The following TRIM34 variants were observed in gnomAD, a reference collection of about 807,000 sequenced individuals.
The protein encoded by TRIM34 is tripartite motif containing 34.
In TRIM34, 41 loss-of-function variants were observed where a neutral mutation model predicts 38.1. That is an observed-to-expected ratio of 1.08 (90% confidence interval 0.84 to 1.40). TRIM34 has a LOEUF of 1.40. TRIM34 is among the 40% of genes most tolerant of loss of function. TRIM34 has a pLI of 0.00. For missense variants in TRIM34, 556 were observed against 571.4 expected, an observed-to-expected ratio of 0.97 and a Z score of 0.27; for synonymous variants, 200 against 202.5, an observed-to-expected ratio of 0.99 and a Z score of 0.10.
chr11:5,643,732 A>G lies in TRIM34; in HGVS notation c.*23A>G, dbSNP rs560554042. On this transcript the variant is annotated 3_prime_UTR_variant, in exon 8 of 8. Coordinates refer to ENST00000429814, the MANE Select transcript of TRIM34 (RefSeq NM_021616.6). ...TGAATTTTCTCATTTCTTCACCTAC[A>G]ACCCTTTGTCTTGACTTATCTCCTG... is the stretch of plus-strand genomic sequence containing the variant. The G allele has an allele frequency of 1.3e-6, 2 of 1,554,576 alleles. No individual in the cohort carries two copies. The highest frequency in any genetic ancestry group is 1.3e-5 in the South Asian group (1 of 78,674).
intron 1 of TRIM34, chr11:5,626,951 A>C (rs1849270371): frequency 6.6e-6 from 1 of 152,186 alleles, no homozygotes. Context: ...ATGTGGACCT[A>C]ACTGGACCAT....
chr11:5,633,146 CTTTTTTTT>C (rs142147714), intron 2 of TRIM34, among the ~76,000 whole-genome samples: 1 of 106,820 alleles, frequency 9.4e-6, no homozygotes, highest in Non-Finnish European at 1.9e-5. Flanking sequence ...CCTTTTCTTT[CTTTTTTTT>C]TTTTTTTTTT....
intron 1 of TRIM34, among the ~76,000 whole-genome samples, chr11:5,629,040 G>C (rs1849365268): frequency 1.3e-5 from 2 of 152,130 alleles, no homozygotes; most frequent in African/African-American, 4.8e-5. Flanking sequence ...ACTTTGGGAG[G>C]CCGAGACAGG....
chr11:5,620,199 A>G (rs1252013371), upstream of TRIM34, among the ~76,000 whole-genome samples: 10 of 61,250 alleles, frequency 1.6e-4, no homozygotes, highest in African/African-American at 6.1e-4. Context: ...TTTTGTTGAG[A>G]CTGAGTCTCA....
chr11:5,630,786 A>G (rs1006665146), intron 1 of TRIM34, among the ~76,000 whole-genome samples: 3 of 152,188 alleles, frequency 2.0e-5, no homozygotes, highest in Non-Finnish European at 4.4e-5. Flanking sequence ...CATTTTATGA[A>G]TGATTATATA....
intron 1 of TRIM34, among the ~76,000 whole-genome samples, chr11:5,628,350 A>T (rs1849330639): frequency 6.6e-6 from 1 of 152,246 alleles, no homozygotes; most frequent in Admixed American, 6.5e-5. Flanking sequence ...AGCCATAAAC[A>T]GGGGTGAATA....
In TRIM34 at chr11:5,643,980, C is replaced by A; in HGVS notation, c.*271C>A. The A allele has an allele frequency of 2.0e-6, 1 of 510,440 alleles. No homozygotes were observed. The highest frequency in any genetic ancestry group is 3.3e-6 in the Non-Finnish European group (1 of 300,552). The allele number at this position is 510,440 out of a possible 1,614,324, so 31.6% of individuals were successfully genotyped here. A position where few individuals can be genotyped will look rare whatever the true frequency, so the allele number is the denominator to read the frequency against. The stretch of plus-strand genomic sequence containing the variant: ...CTTGCCTTCCCATTTATCCATGTTT[C>A]ACTTTATCACTGATATGAAGAGGCC... On this transcript the variant is annotated 3_prime_UTR_variant, in exon 8 of 8. Coordinates refer to ENST00000429814, the MANE Select transcript of TRIM34 (RefSeq NM_021616.6).
At chr11:5,634,530 C>CACACACATATAT (rs1491498839) in intron 3 of TRIM34, 101 bp from the exon 4 acceptor site, 12 of 262,002 alleles carry the variant, frequency 4.6e-5, no homozygotes, top group African/African-American at 3.6e-4. Flanking sequence ...CACACACACA[C>CACACACATATAT]ATATATATAT....
At position 5,643,558 on chromosome 11, in the gene TRIM34, A is replaced by G. The variant is rs766401090; in HGVS notation, c.1316A>G (p.Tyr439Cys). 6.2e-7 allele frequency: 1 copy of G among 1,614,194 alleles called. No individual in the cohort carries two copies. Reference sequence around the variant, plus strand: ...TGCCGTGTTGGGGTTTTCCTCGACTATGAAGCAGGCATTGTCTCATTTTTC... The same window carrying G: ...TGCCGTGTTGGGGTTTTCCTCGACTGTGAAGCAGGCATTGTCTCATTTTTC... ...PPCRVGVFLD[Y>C]EAGIVSFFNV... The change falls in exon 8 of 8, where the codon TAT (tyrosine) becomes TGT (cysteine). Residue 439 changes from tyrosine to cysteine, a missense_variant. Coordinates refer to ENST00000429814, the MANE Select transcript of TRIM34 (RefSeq NM_021616.6).
intron 4 of TRIM34, among the ~76,000 whole-genome samples, 198 bp downstream of exon 4, chr11:5,635,059 A>G (rs978231045): frequency 6.6e-6 from 1 of 152,000 alleles, no homozygotes; most frequent in Admixed American, 6.6e-5. Context: ...TGCAGAAAAG[A>G]TCCATTATAT....
intron 4 of TRIM34, among the ~76,000 whole-genome samples, chr11:5,635,500 C>T (rs1303709785): frequency 6.6e-6 from 1 of 152,136 alleles, no homozygotes; most frequent in Non-Finnish European, 1.5e-5. Flanking sequence ...TCGTGGTCCG[C>T]CTGCCTCGGC....
In TRIM34 at chr11:5,644,119, G is replaced by A; in HGVS notation, c.*410G>A. On this transcript the variant is annotated 3_prime_UTR_variant, in exon 8 of 8. Transcript: ENST00000429814. ...GAGGGTATGTCAGTGTGTTGCTCAGGATACCCCAGGTACATCAAGGAATCA... is the reference window on the plus strand; with the variant it reads ...GAGGGTATGTCAGTGTGTTGCTCAGAATACCCCAGGTACATCAAGGAATCA... The A allele has an allele frequency of 2.5e-6, 1 of 402,944 alleles. No individual in the cohort carries two copies. 25.0% of individuals were successfully genotyped at this position (402,944 alleles called of 1,614,324 possible).
At chr11:5,641,307 T>C (rs1247139669) in intron 5 of TRIM34, 118 bp downstream of exon 5, 9 of 1,563,570 alleles carry the variant, frequency 5.8e-6, no homozygotes, top group Non-Finnish European at 7.8e-6. Flanking sequence ...AATTTGGATG[T>C]ATCGTTATCT....
chr11:5,639,873 G>A (rs1280791975), intron 4 of TRIM34, among the ~76,000 whole-genome samples: 2 of 151,812 alleles, frequency 1.3e-5, no homozygotes, highest in East Asian at 3.9e-4. Context: ...CATATTTATA[G>A]GGTACATAGA....
At chr11:5,623,212 G>C (rs1475057352), upstream of TRIM34, among the ~76,000 whole-genome samples, 1 of 149,290 alleles carries the variant, frequency 6.7e-6, no homozygotes, top group East Asian at 2.0e-4. Context: ...CTTTGGCTTA[G>C]TGATTTTTGG....
rs1491498839 is a variant in TRIM34 at position 5,634,530 on chromosome 11, C to CACACACACACACACACACACAT, written c.520-100_520-99insCACACACACACACACACACATA. The CACACACACACACACACACACAT allele has an allele frequency of 3.9e-4, 102 of 261,996 alleles. 2 individuals are homozygous for CACACACACACACACACACACAT. Among genetic ancestry groups the CACACACACACACACACACACAT allele is most frequent in the African/African-American group, 3.1e-3 (94 of 30,368 alleles). 16.2% of individuals were successfully genotyped at this position (261,996 alleles called of 1,614,324 possible). The stretch of plus-strand genomic sequence containing the variant: ...ACACACACACACACACACACACACA[C>CACACACACACACACACACACAT]ATATATATATATATATATTTCCCTA... On this transcript the variant is annotated intron_variant, in intron 3 of 7. Coordinates refer to ENST00000429814, the MANE Select transcript of TRIM34 (RefSeq NM_021616.6).
upstream of TRIM34, among the ~76,000 whole-genome samples, chr11:5,621,148 G>GTCACCCC (rs1285446513): frequency 3.3e-5 from 5 of 152,166 alleles, no homozygotes; most frequent in African/African-American, 1.2e-4. Flanking sequence ...CTGCATCCCA[G>GTCACCCC]TCACCCCTTT....
chr11:5,635,816 C>G (rs1333894504), intron 4 of TRIM34, among the ~76,000 whole-genome samples: 1 of 152,072 alleles, frequency 6.6e-6, no homozygotes, highest in African/African-American at 2.4e-5. Flanking sequence ...TAAGATTACT[C>G]TGGAACAGAG....
intron 5 of TRIM34, 57 bp downstream of exon 5, chr11:5,641,246 A>G: frequency 6.2e-7 from 1 of 1,612,236 alleles, no homozygotes; most frequent in Non-Finnish European, 8.5e-7. Context: ...GTTTGTAGCT[A>G]TTAGAGTTAT....
Sources: gnomAD v4.1 joint callset for allele counts (sites outside exome capture counted in the v4.1 genomes callset) on GRCh38, gnomAD v4.1.1 for gene constraint, MANE v1.5 for transcripts, NCBI Gene and HGNC (gene_info 2026-07-23, HGNC 2026-07-21) for gene names.